Variants in NCAPD3 observed in about 807,000 individuals in gnomAD.
NCAPD3 encodes the protein condensin-2 complex subunit D3.
A neutral mutation model predicts 182.9 loss-of-function variants in NCAPD3; 105 were observed. The observed-to-expected ratio is 0.57, with a 90% CI of 0.49 to 0.68. The LOEUF (loss-of-function observed/expected upper bound fraction) is 0.68. NCAPD3 is among the 30% of genes least tolerant of loss of function. NCAPD3 has a pLI of 0.00. For synonymous variants in NCAPD3, 815 were observed against 679.9 expected, an observed-to-expected ratio of 1.20 and a Z score of -3.09; for missense variants, 1,944 against 1,837.0, an observed-to-expected ratio of 1.06 and a Z score of -1.07.
intron 13 of NCAPD3, among the ~76,000 whole-genome samples, chr11:134,199,337 G>C (rs1298062088): frequency 6.6e-6 from 1 of 152,034 alleles, no homozygotes; most frequent in Non-Finnish European, 1.5e-5. Flanking sequence ...TATTTATATG[G>C]GCAGTATATA....
chr11:134,216,936 C>G lies in NCAPD3; in HGVS notation c.382G>C (p.Gly128Arg). ...GLYFLLLEVP[G>R]SVANQVFHPV... ...ATCCTATCATATCAGGTCTACATAC[C>G]TGGTACTTCTAGTAGCAAAAAGTAA... Residue 128 changes from glycine (G) to arginine (R), a missense_variant and splice_region_variant, in exon 3 of 35, where the codon GGC (glycine) becomes CGC (arginine). Gly to Arg is a moderately radical substitution (Grantham distance 125). Coordinates refer to ENST00000534548, the MANE Select transcript of NCAPD3 (RefSeq NM_015261.3). 6.2e-7 allele frequency: 1 copy of G among 1,607,564 alleles called. No individual in the cohort carries two copies. The highest frequency in any genetic ancestry group is 8.5e-7 in the Non-Finnish European group (1 of 1,177,768).
At chr11:134,173,892 C>T (rs369069322) in intron 24 of NCAPD3, among the ~76,000 whole-genome samples, 5 of 151,054 alleles carry the variant, frequency 3.3e-5, no homozygotes, top group African/African-American at 4.9e-5. Context: ...ACCAGGGAGT[C>T]GGAGGCTGCA....
At chr11:134,225,366 C>T, upstream of NCAPD3, 1 of 1,612,016 alleles carries the variant, frequency 6.2e-7, no homozygotes, top group Non-Finnish European at 8.5e-7. Context: ...CCCCGGGACC[C>T]CCTCCCCCAG....
intron 24 of NCAPD3, among the ~76,000 whole-genome samples, chr11:134,174,554 G>C (rs1944112410): frequency 6.6e-6 from 1 of 152,086 alleles, no homozygotes; most frequent in South Asian, 2.1e-4. Flanking sequence ...TAAAAAAAGG[G>C]AGGGTCACAG....
At position 134,157,073 on chromosome 11, in the gene NCAPD3, T is replaced by C; in HGVS notation, c.4197A>G (p.Gln1399=). 2.5e-6 allele frequency: 4 copies of C among 1,613,590 alleles called. No individual in the cohort carries two copies. The highest frequency in any genetic ancestry group is 8.5e-7 in the Non-Finnish European group (1 of 1,179,746). The change falls in exon 32 of 35, where the codon CAA becomes CAG. Residue 1399 remains glutamine (Q), a synonymous_variant. Coordinates refer to ENST00000534548, the MANE Select transcript of NCAPD3 (RefSeq NM_015261.3). ...CSQVSSYSLE[Q]ESNGEIEHVT... ...CGTGCTCAATCTCGCCATTCGACTCTTGCTCCAAACTGTATGAAGACACTA... is the reference window on the plus strand; with the variant it reads ...CGTGCTCAATCTCGCCATTCGACTCCTGCTCCAAACTGTATGAAGACACTA...
chr11:134,190,635 C>T (rs768686348), intron 16 of NCAPD3, among the ~76,000 whole-genome samples: 7 of 152,132 alleles, frequency 4.6e-5, no homozygotes, highest in Admixed American at 2.6e-4. Context: ...TACAGGCGTG[C>T]GCCACCACAA....
chr11:134,194,771 T>C lies in NCAPD3; in HGVS notation c.1616-33A>G, dbSNP rs768807905. ...GGGAATACCAAAGGGTCATCACAGC[T>C]GGAGAAAAGTCACACAGCAGCTAAC... On this transcript the variant is annotated intron_variant, in intron 13 of 34. Transcript: ENST00000534548. 18 of 1,489,880 alleles carry C rather than the reference T, an allele frequency of 1.2e-5. No homozygotes were observed. In the Admixed American group the frequency reaches 3.3e-4, roughly 27 times the overall value. The allele number at this position is 1,489,880 out of a possible 1,614,324, so 92.3% of individuals were successfully genotyped here. A position where few individuals can be genotyped will look rare whatever the true frequency, so the allele number is the denominator to read the frequency against.
chr11:134,207,767 A>C (rs1038083022), intron 7 of NCAPD3, among the ~76,000 whole-genome samples: 1 of 143,990 alleles, frequency 6.9e-6, no homozygotes, highest in Non-Finnish European at 1.5e-5. Flanking sequence ...AAAAAAAAAA[A>C]CCATCTTTAG....
intron 16 of NCAPD3, among the ~76,000 whole-genome samples, chr11:134,190,770 A>C (rs1944508190): frequency 6.6e-6 from 1 of 152,158 alleles, no homozygotes; most frequent in South Asian, 2.1e-4. Context: ...CCTGAAGTAC[A>C]TCCCTCATAG....
intron 16 of NCAPD3, 83 bp downstream of exon 16, chr11:134,192,606 T>C: frequency 2.4e-6 from 3 of 1,227,802 alleles, no homozygotes; most frequent in Non-Finnish European, 3.5e-6. Flanking sequence ...AGCTGATTTT[T>C]CGAGGACCAA....
chr11:134,153,470 CG>C, intron 32 of NCAPD3, 107 bp from the exon 33 acceptor site: 1 of 1,166,920 alleles, frequency 8.6e-7, no homozygotes, highest in Non-Finnish European at 1.3e-6. Flanking sequence ...AGTGTCCCAG[CG>C]GCGGCCCTCA....
At chr11:134,162,399 G>A (rs1043225597) in intron 27 of NCAPD3, among the ~76,000 whole-genome samples, 2 of 152,036 alleles carry the variant, frequency 1.3e-5, no homozygotes, top group Admixed American at 6.5e-5. Flanking sequence ...AAAATACTAT[G>A]AATTTATATA....
At chr11:134,167,177 G>A (rs1943856221) in intron 27 of NCAPD3, among the ~76,000 whole-genome samples, 1 of 121,534 alleles carries the variant, frequency 8.2e-6, no homozygotes, top group South Asian at 3.0e-4. Flanking sequence ...CTTGGGGGAG[G>A]CGCACACTCG....
Position 134,188,465 on chromosome 11 carries a change from G to A in NCAPD3, c.2046-2939C>T, listed in dbSNP as rs553494119. ...CACGCTGTGGAAGCTTTGTTCTTTC[G>A]CTCTTCACAGTAAATCTTACTGCTG... On this transcript the variant is annotated intron_variant, in intron 16 of 34. Coordinates refer to ENST00000534548, the MANE Select transcript of NCAPD3 (RefSeq NM_015261.3). 1.4e-4 allele frequency among the ~76,000 whole-genome samples: 21 copies of A among 152,224 alleles called. No individual in the cohort carries two copies. In the South Asian group the frequency reaches 1.5e-3, roughly 11 times the overall value.
intron 19 of NCAPD3, among the ~76,000 whole-genome samples, chr11:134,181,709 A>G (rs1010491091): frequency 1.3e-5 from 2 of 152,216 alleles, no homozygotes; most frequent in African/African-American, 4.8e-5. Flanking sequence ...CTGTTCCTCT[A>G]TGCCAAGGAA....
At position 134,220,658 on chromosome 11, in the gene NCAPD3, C is replaced by G. The variant is rs770787355; in HGVS notation, c.133G>C (p.Glu45Gln). ...GCAGCCAATCCAGTCTCTATGATCT[C>G]TGCTTCTATGCTGGGATCCAAAGGC... Reference protein sequence around the residue: ...TEPLDPSIEAEIIETGLAAFT... With the variant: ...TEPLDPSIEAQIIETGLAAFT... The change falls in exon 2 of 35, where the codon GAG (glutamate) becomes CAG (glutamine). Residue 45 changes from glutamate (E) to glutamine (Q), a missense_variant. Around this residue, in one of 3 missense-constraint regions of NCAPD3, gnomAD observed 131 missense variants for 133.9 expected, o/e 0.98. Transcript: ENST00000534548. 6.2e-7 allele frequency: 1 copy of G among 1,614,114 alleles called. No homozygotes were observed. The highest frequency in any genetic ancestry group is 1.1e-5 in the South Asian group (1 of 91,086).
chr11:134,214,661 T>C (rs1265244865), intron 3 of NCAPD3, among the ~76,000 whole-genome samples: 1 of 152,082 alleles, frequency 6.6e-6, no homozygotes, highest in Non-Finnish European at 1.5e-5. Context: ...TAAATCTCGA[T>C]CTAGATTGAT....
At position 134,167,931 on chromosome 11, in the gene NCAPD3, GAT is replaced by G. The variant is rs1045595778; in HGVS notation, c.3573+63_3573+64del. On this transcript the variant is annotated intron_variant, in intron 27 of 34. Transcript: ENST00000534548. ...GCTTGGGGGAGGTGCACACTCGTGA[GAT>G]GAGCTTAGGGGAGCAGCACACTCAC... The G allele has an allele frequency of 1.4e-5, 21 of 1,483,982 alleles. No individual in the cohort carries two copies. In the South Asian group the frequency reaches 1.9e-4, roughly 14 times the overall value. 91.9% of individuals were successfully genotyped at this position (1,483,982 alleles called of 1,614,324 possible).
At chr11:134,164,680 A>C (rs988141469) in intron 27 of NCAPD3, among the ~76,000 whole-genome samples, 2 of 150,506 alleles carry the variant, frequency 1.3e-5, no homozygotes, top group African/African-American at 4.9e-5. Context: ...GGAGCTGCAC[A>C]CTCACTTGTA....
Sources: allele counts gnomAD v4.1 joint callset (sites outside exome capture counted in the v4.1 genomes callset), GRCh38; gene constraint gnomAD v4.1.1; regional missense constraint gnomAD v4.1.1; transcripts MANE v1.5; gene names NCBI Gene and HGNC (gene_info 2026-07-23, HGNC 2026-07-21).